The following PDGFD variants were observed in gnomAD, a reference collection of about 807,000 sequenced individuals.
PDGFD encodes platelet derived growth factor D.
In PDGFD, 30 loss-of-function variants were observed where a neutral mutation model predicts 44.7. The observed-to-expected ratio is 0.67, with a 90% CI of 0.50 to 0.91. The LOEUF is 0.91. PDGFD is among the 40% of genes least tolerant of loss of function. The pLI, the probability that PDGFD is intolerant of heterozygous loss-of-function variation, is 0.00. For synonymous variants in PDGFD, 173 were observed against 168.4 expected (o/e 1.03, Z -0.21); for missense variants, 445 against 457.8 (o/e 0.97, Z 0.25).
At chr11:104,004,393 T>G (rs956458111) in intron 1 of PDGFD, among the ~76,000 whole-genome samples, 2 of 152,188 alleles carry the variant, frequency 1.3e-5, no homozygotes, top group African/African-American at 4.8e-5. Context: ...GTATAACAAC[T>G]GTTTACATAG....
chr11:104,011,140 A>T (rs997399849), intron 1 of PDGFD, among the ~76,000 whole-genome samples: 19 of 152,094 alleles, frequency 1.2e-4, no homozygotes, highest in Admixed American at 2.6e-4. Context: ...AATAAAGTTG[A>T]TGTGGAATTG....
chr11:104,094,944 C>T (rs1861261855), intron 1 of PDGFD, among the ~76,000 whole-genome samples: 1 of 152,110 alleles, frequency 6.6e-6, no homozygotes, highest in African/African-American at 2.4e-5. Flanking sequence ...GCTAGGTTTC[C>T]AACCCTGCTT....
intron 3 of PDGFD, among the ~76,000 whole-genome samples, chr11:103,961,319 A>C (rs1858932138): frequency 6.6e-6 from 1 of 152,204 alleles, no homozygotes; most frequent in Non-Finnish European, 1.5e-5. Context: ...TAAATGAATA[A>C]TCCAATCTAT....
intron 1 of PDGFD, among the ~76,000 whole-genome samples, chr11:104,003,527 G>T (rs1293321878): frequency 6.6e-6 from 1 of 152,196 alleles, no homozygotes; most frequent in Non-Finnish European, 1.5e-5. Context: ...ATGCCACTTT[G>T]GGGGAAAAAT....
intron 5 of PDGFD, among the ~76,000 whole-genome samples, chr11:103,934,309 A>C (rs968026756): frequency 6.6e-6 from 1 of 152,248 alleles, no homozygotes; most frequent in African/African-American, 2.4e-5. Context: ...TGAGTAACAC[A>C]GATCAAAGAA....
At chr11:104,147,857 C>T (rs545803424) in intron 1 of PDGFD, among the ~76,000 whole-genome samples, 1 of 152,164 alleles carries the variant, frequency 6.6e-6, no homozygotes, top group East Asian at 1.9e-4. Flanking sequence ...TGGCGGGGTT[C>T]TCTTATTCAC....
intron 1 of PDGFD, among the ~76,000 whole-genome samples, chr11:104,028,262 C>A (rs1271040997): frequency 6.6e-6 from 1 of 150,650 alleles, no homozygotes; most frequent in Non-Finnish European, 1.5e-5. Context: ...TTAGGATAAT[C>A]CTAGTTATTT....
intron 3 of PDGFD, among the ~76,000 whole-genome samples, chr11:103,993,539 A>G (rs1859491330): frequency 6.6e-6 from 1 of 151,996 alleles, no homozygotes; most frequent in Non-Finnish European, 1.5e-5. Flanking sequence ...CTATCTCCCT[A>G]TTAATTTACA....
In PDGFD at chr11:104,164,107, T is replaced by A; in HGVS notation, c.-180A>T. On this transcript the variant is annotated 5_prime_UTR_variant, in exon 1 of 7. Coordinates refer to ENST00000393158, the MANE Select transcript of PDGFD (RefSeq NM_025208.5). ...GCATGCTGAACTTTCCGAGCGCGTG[T>A]GGGTGCCGCACTTCCTTGTGGTGCT... 3.8e-6 allele frequency: 2 copies of A among 531,208 alleles called. No homozygotes were observed. The highest frequency in any genetic ancestry group is 4.3e-5 in the South Asian group (1 of 23,138). The allele number at this position is 531,208 out of a possible 1,614,324, so 32.9% of individuals were successfully genotyped here. A position where few individuals can be genotyped will look rare whatever the true frequency, so the allele number is the denominator to read the frequency against.
chr11:103,975,835 T>G lies in PDGFD; in HGVS notation c.510+20230A>C, dbSNP rs141967902. 4.0e-3 allele frequency among the ~76,000 whole-genome samples: 606 copies of G among 152,280 alleles called. 6 individuals carry two copies. Among genetic ancestry groups the G allele is most frequent in the African/African-American group, 0.014 (572 of 41,566 alleles). On this transcript the variant is annotated intron_variant, in intron 3 of 6. Coordinates refer to ENST00000393158, the MANE Select transcript of PDGFD (RefSeq NM_025208.5). ...TGTGGTGTTTTTTCTGGGGCCTCTG[T>G]TCTGTTCCGTTGGTCTATATATCTG...
chr11:104,050,486 T>C (rs1860516655), intron 1 of PDGFD, among the ~76,000 whole-genome samples: 1 of 152,210 alleles, frequency 6.6e-6, no homozygotes, highest in African/African-American at 2.4e-5. Flanking sequence ...GCTTTGCTGA[T>C]AGAAGCAGCA....
chr11:104,153,749 T>C (rs1371438431), intron 1 of PDGFD, among the ~76,000 whole-genome samples: 1 of 152,176 alleles, frequency 6.6e-6, no homozygotes, highest in East Asian at 1.9e-4. Context: ...GATTACTCAT[T>C]GTATACCTCA....
chr11:104,060,082 T>C (rs1044820885), intron 1 of PDGFD, among the ~76,000 whole-genome samples: 1 of 152,240 alleles, frequency 6.6e-6, no homozygotes, highest in African/African-American at 2.4e-5. Context: ...CATTTGTTTC[T>C]GTTTGATAAG....
At chr11:103,915,265 C>A (rs1383594489) in intron 6 of PDGFD, among the ~76,000 whole-genome samples, 1 of 152,176 alleles carries the variant, frequency 6.6e-6, no homozygotes, top group Non-Finnish European at 1.5e-5. Context: ...GACACAAAAT[C>A]AATGTGCAAA....
At chr11:103,946,920 C>A (rs935618368) in intron 4 of PDGFD, among the ~76,000 whole-genome samples, 6 of 152,084 alleles carry the variant, frequency 3.9e-5, no homozygotes, top group African/African-American at 1.4e-4. Flanking sequence ...GGAAAAAAAA[C>A]AACAACTCTG....
intron 1 of PDGFD, among the ~76,000 whole-genome samples, chr11:104,116,136 T>C (rs1363431631): frequency 6.6e-6 from 1 of 152,110 alleles, no homozygotes; most frequent in Non-Finnish European, 1.5e-5. Flanking sequence ...TTTTCCAATG[T>C]TATCTTCTAG....
chr11:103,954,212 A>T (rs893828093), intron 3 of PDGFD, among the ~76,000 whole-genome samples: 1 of 152,228 alleles, frequency 6.6e-6, no homozygotes, highest in Admixed American at 6.5e-5. Flanking sequence ...GACAGTTGAT[A>T]TATTACAAGC....
intron 1 of PDGFD, among the ~76,000 whole-genome samples, chr11:104,106,416 C>CCAAA (rs140374533): frequency 0.055 from 8,435 of 152,192 alleles, 359 homozygotes; most frequent in African/African-American, 0.12. Flanking sequence ...AGCATAACTT[C>CCAAA]CAGTGATAGC....
intron 1 of PDGFD, among the ~76,000 whole-genome samples, chr11:104,073,449 C>T (rs913910497): frequency 2.6e-5 from 4 of 152,090 alleles, no homozygotes; most frequent in African/African-American, 9.7e-5. Flanking sequence ...TTGGAATTTT[C>T]TAGGACAGAA....
Sources: allele counts gnomAD v4.1 joint callset (sites outside exome capture counted in the v4.1 genomes callset), GRCh38; gene constraint gnomAD v4.1.1; transcripts MANE v1.5; gene names NCBI Gene and HGNC (gene_info 2026-07-23, HGNC 2026-07-21).